Variants in TENM4 observed in about 807,000 individuals in gnomAD.
The protein encoded by TENM4 is teneurin transmembrane protein 4, also known as teneurin-4.
A neutral mutation model predicts 243.3 loss-of-function variants in TENM4; 82 were observed. That is an observed-to-expected ratio of 0.34 (90% CI 0.28 to 0.40). TENM4 has a LOEUF of 0.40. Ranked by LOEUF, TENM4 falls within the 10% of genes least tolerant of loss-of-function variation. The probability of loss-of-function intolerance (pLI) is 1.00; values close to 1 mark genes in which losing one functional copy is unlikely to be tolerated. For synonymous variants in TENM4, 1,412 were observed against 1,456.3 expected (o/e 0.97, Z 0.69); for missense variants, 3,138 against 3,673.3 (o/e 0.85, Z 3.77).
At chr11:78,918,963 G>T (rs926014883) in intron 6 of TENM4, among the ~76,000 whole-genome samples, 12 of 152,136 alleles carry the variant, frequency 7.9e-5, no homozygotes, top group African/African-American at 2.9e-4. Flanking sequence ...AAGTTACTTA[G>T]CCTCTCTGAG....
chr11:79,436,166 G>A (rs1859267699), intron 1 of TENM4, among the ~76,000 whole-genome samples: 1 of 152,058 alleles, frequency 6.6e-6, no homozygotes, highest in African/African-American at 2.4e-5. Context: ...AGGCCTTATC[G>A]ATGTTAAAAC....
intron 12 of TENM4, among the ~76,000 whole-genome samples, chr11:78,838,976 T>C (rs1032986920): frequency 7.9e-5 from 12 of 152,214 alleles, no homozygotes; most frequent in African/African-American, 2.4e-4. Context: ...CTCCATTAAT[T>C]TGTAATTCTT....
intron 6 of TENM4, among the ~76,000 whole-genome samples, chr11:79,048,471 C>T (rs933005807): frequency 6.6e-6 from 1 of 152,120 alleles, no homozygotes; most frequent in Non-Finnish European, 1.5e-5. Context: ...TGATCCTGGA[C>T]CCCACCCCCA....
intron 24 of TENM4, among the ~76,000 whole-genome samples, chr11:78,721,101 C>T (rs1005421240): frequency 5.3e-5 from 8 of 152,166 alleles, no homozygotes; most frequent in East Asian, 3.9e-4. Context: ...CAAAGTTGCA[C>T]AGCTTCTCTG....
intron 4 of TENM4, among the ~76,000 whole-genome samples, chr11:79,073,994 C>CT (rs1338346453): frequency 6.6e-6 from 1 of 152,094 alleles, no homozygotes; most frequent in African/African-American, 2.4e-5. Context: ...ACTATTTCCT[C>CT]TTATCAGTGT....
intron 9 of TENM4, among the ~76,000 whole-genome samples, chr11:78,867,601 G>T (rs1421961185): frequency 6.6e-6 from 1 of 152,082 alleles, no homozygotes; most frequent in Non-Finnish European, 1.5e-5. Flanking sequence ...TGATCGAGTG[G>T]CCTCTCTTCT....
intron 2 of TENM4, among the ~76,000 whole-genome samples, chr11:79,253,394 A>C (rs1855645684): frequency 6.6e-6 from 1 of 152,140 alleles, no homozygotes; most frequent in Non-Finnish European, 1.5e-5. Context: ...GAAACAAACA[A>C]ACACTGCACT....
intron 1 of TENM4, among the ~76,000 whole-genome samples, chr11:79,329,475 A>G (rs1263799998): frequency 6.6e-6 from 1 of 152,230 alleles, no homozygotes; most frequent in African/African-American, 2.4e-5. Context: ...GCAAACATAA[A>G]AGACATGAGG....
intron 3 of TENM4, among the ~76,000 whole-genome samples, chr11:79,150,913 C>T (rs1401767491): frequency 6.6e-6 from 1 of 152,156 alleles, no homozygotes; most frequent in African/African-American, 2.4e-5. Context: ...ACAATAACCA[C>T]ACGAGGTAGA....
intron 12 of TENM4, among the ~76,000 whole-genome samples, chr11:78,828,316 C>A (rs1033807505): frequency 6.6e-6 from 1 of 152,226 alleles, no homozygotes; most frequent in African/African-American, 2.4e-5. Context: ...CCCAAAACAG[C>A]ACTAACCATG....
At chr11:78,908,303 G>A (rs781185152) in intron 6 of TENM4, among the ~76,000 whole-genome samples, 9 of 152,088 alleles carry the variant, frequency 5.9e-5, no homozygotes, top group Non-Finnish European at 7.4e-5. Flanking sequence ...TGGAAATAAC[G>A]CCCACCTTAT....
At chr11:79,339,626 C>A (rs978976738) in intron 1 of TENM4, among the ~76,000 whole-genome samples, 1 of 151,962 alleles carries the variant, frequency 6.6e-6, no homozygotes, top group African/African-American at 2.4e-5. Flanking sequence ...CCAGAGAGAC[C>A]GAGTAACCTG....
rs548462044 is a variant in TENM4, at chr11:79,064,821, C to T, written c.410G>A (p.Arg137Gln). The T allele has an allele frequency of 2.3e-5, 35 of 1,551,368 alleles. No individual in the cohort carries two copies. Among genetic ancestry groups the T allele is most frequent in the Middle Eastern group, 1.7e-4 (1 of 6,014 alleles). ...HPVRLWGRST[R>Q]SGRSSCLSSR... ...GGACAGGCAGGAGCTGCGCCCTGAC[C>T]GTGTGCTCCGGCCCCACAGACGCAC... The change falls in exon 6 of 34, where the codon CGG becomes CAG. Residue 137 changes from arginine to glutamine, a missense_variant. Physicochemically the swap from Arg to Gln is conservative, Grantham distance 43. Coordinates refer to ENST00000278550, the MANE Select transcript of TENM4 (RefSeq NM_001098816.3).
At position 78,687,576 on chromosome 11, in the gene TENM4, C is replaced by T. The variant is rs181259893; in HGVS notation, c.5260+478G>A. Among the ~76,000 whole-genome samples, 83 of 152,298 alleles carry T rather than the reference C, an allele frequency of 5.4e-4. 1 individual carries two copies. The highest frequency in any genetic ancestry group is 1.0e-3 in the South Asian group (5 of 4,824). On this transcript the variant is annotated intron_variant, in intron 29 of 33. Transcript: ENST00000278550. ...TTTACTTGAAGCTAAAAGACCAACCCGTAACAGGATGATTTGACAAATGCA... is the reference window on the plus strand; with the variant it reads ...TTTACTTGAAGCTAAAAGACCAACCTGTAACAGGATGATTTGACAAATGCA...
intron 6 of TENM4, among the ~76,000 whole-genome samples, chr11:78,945,284 C>T (rs1226638068): frequency 6.6e-6 from 1 of 152,192 alleles, no homozygotes; most frequent in Admixed American, 6.5e-5. Context: ...ATTGTTGTAA[C>T]ATTTCAAATG....
intron 7 of TENM4, among the ~76,000 whole-genome samples, 179 bp downstream of exon 7, chr11:78,903,089 C>G (rs149439198): frequency 6.6e-6 from 1 of 152,278 alleles, no homozygotes; most frequent in African/African-American, 2.4e-5. Flanking sequence ...CCTTGGGTCT[C>G]TCGGGTTCCA....
intron 3 of TENM4, among the ~76,000 whole-genome samples, chr11:79,212,173 CATG>C (rs1471635920): frequency 6.6e-6 from 1 of 152,194 alleles, no homozygotes; most frequent in Non-Finnish European, 1.5e-5. Context: ...GAGAGAAAAA[CATG>C]ATGTGGGTTC....
At chr11:79,023,024 A>G (rs2136813787) in intron 6 of TENM4, among the ~76,000 whole-genome samples, 1 of 152,348 alleles carries the variant, frequency 6.6e-6, no homozygotes, top group South Asian at 2.1e-4. Flanking sequence ...ATGAAAAAGG[A>G]TTGACAGAGA....
chr11:79,324,217 A>G (rs1856937725), intron 1 of TENM4, among the ~76,000 whole-genome samples: 1 of 151,536 alleles, frequency 6.6e-6, no homozygotes, highest in Non-Finnish European at 1.5e-5. Flanking sequence ...TCCTTTATTT[A>G]AAATTTATTG....
Sources: gnomAD v4.1 joint callset for allele counts (sites outside exome capture counted in the v4.1 genomes callset) on GRCh38, gnomAD v4.1.1 for gene constraint, MANE v1.5 for transcripts, NCBI Gene and HGNC (gene_info 2026-07-23, HGNC 2026-07-21) for gene names.